Variants in GRM4 observed in about 807,000 individuals in gnomAD.
The protein encoded by GRM4 is glutamate metabotropic receptor 4, also known as metabotropic glutamate receptor 4.
In GRM4, 28 loss-of-function variants were observed where a neutral mutation model predicts 81.7. That is an observed-to-expected ratio of 0.34 (90% CI 0.25 to 0.47). GRM4 has a LOEUF of 0.47. GRM4 is among the 20% of genes least tolerant of loss of function. The probability of loss-of-function intolerance (pLI) is 1.00; values close to 1 mark genes in which losing one functional copy is unlikely to be tolerated. For missense variants in GRM4, 948 were observed against 1,290.0 expected (o/e 0.73, Z 4.06); for synonymous variants, 488 against 528.8 (o/e 0.92, Z 1.06).
At chr6:34,132,694 G>A (rs928694181) in intron 2 of GRM4, among the ~76,000 whole-genome samples, 2 of 152,048 alleles carry the variant, frequency 1.3e-5, no homozygotes, top group African/African-American at 4.8e-5. Flanking sequence ...GTTGCTCACC[G>A]AGCCTCCAGC....
chr6:34,073,623 C>T (rs1447134470), intron 3 of GRM4, among the ~76,000 whole-genome samples: 1 of 152,108 alleles, frequency 6.6e-6, no homozygotes, highest in Non-Finnish European at 1.5e-5. Context: ...CACAAGCAGG[C>T]GGTGCCCACC....
At chr6:34,072,321 CCA>C (rs1270185242) in intron 3 of GRM4, among the ~76,000 whole-genome samples, 3 of 146,106 alleles carry the variant, frequency 2.1e-5, no homozygotes, top group Non-Finnish European at 3.0e-5. Context: ...CAGATACACA[CCA>C]CACACACATC....
At chr6:34,044,707 G>GACAC (rs1393655699) in intron 6 of GRM4, among the ~76,000 whole-genome samples, 2 of 88,956 alleles carry the variant, frequency 2.2e-5, no homozygotes, top group Non-Finnish European at 4.4e-5. Context: ...CATATATACA[G>GACAC]ACACACACAC....
At position 34,059,360 on chromosome 6, in the gene GRM4, G is replaced by GC. The variant is rs1766069067; in HGVS notation, c.873-233dup. On this transcript the variant is annotated intron_variant, in intron 4 of 10. Coordinates refer to ENST00000538487, the MANE Select transcript of GRM4 (RefSeq NM_000841.4). This position sits in a 1 kb window ranked among gnomAD's most constrained non-coding sequence, Gnocchi z 5.7. ...CCAACCTGCCTGCCCCTGGGCCCAC[G>GC]CCTGCTGCAGGCCCAGCGTGATTCT... is the stretch of plus-strand genomic sequence containing the variant. The GC allele has an allele frequency of 1.8e-6, 1 of 564,256 alleles. No homozygotes were observed. Among genetic ancestry groups the GC allele is most frequent in the African/African-American group, 1.9e-5 (1 of 52,974 alleles). The allele number at this position is 564,256 out of a possible 1,614,324, so 35.0% of individuals were successfully genotyped here.
At chr6:34,110,950 C>CAGCGTTCCCCTG in intron 2 of GRM4, 2 of 863,954 alleles carry the variant, frequency 2.3e-6, no homozygotes, top group Non-Finnish European at 3.0e-6. Flanking sequence ...TCCAGGGGAA[C>CAGCGTTCCCCTG]GCTGTGCCCC....
At position 34,069,588 on chromosome 6, in the gene GRM4, A is replaced by G. The variant is rs2127467795; in HGVS notation, c.737-7560T>C. Reference sequence around the variant, plus strand: ...GCTCCTGCGTGTGACCCCGCTCCCCAGCTCATCAGTCTCCAGCCCCTCAAC... The same window carrying G: ...GCTCCTGCGTGTGACCCCGCTCCCCGGCTCATCAGTCTCCAGCCCCTCAAC... On this transcript the variant is annotated intron_variant, in intron 3 of 10. Transcript: ENST00000538487. The surrounding 1 kb of genome is among the most constrained non-coding windows in gnomAD (Gnocchi z 6.4). 6.7e-6 allele frequency among the ~76,000 whole-genome samples: 1 copy of G among 150,034 alleles called. No homozygotes were observed. Among genetic ancestry groups the G allele is most frequent in the East Asian group, 2.0e-4 (1 of 5,024 alleles).
At chr6:34,084,487 G>C (rs542008519) in intron 3 of GRM4, among the ~76,000 whole-genome samples, 18 of 152,278 alleles carry the variant, frequency 1.2e-4, no homozygotes, top group Non-Finnish European at 1.3e-4. Flanking sequence ...GTTTGGGACA[G>C]GGCAGGTGAG....
intron 3 of GRM4, among the ~76,000 whole-genome samples, chr6:34,081,139 G>A (rs972345638): frequency 1.3e-5 from 2 of 152,202 alleles, no homozygotes; most frequent in Admixed American, 1.3e-4. Flanking sequence ...TCGAGCTCCA[G>A]AGCAAGGGCC....
chr6:34,144,601 C>T (rs755882628), intron 1 of GRM4, among the ~76,000 whole-genome samples: 44 of 152,120 alleles, frequency 2.9e-4, no homozygotes, highest in Admixed American at 6.5e-4. Flanking sequence ...GGGGCGGGCA[C>T]GGGAGCTGGA....
At chr6:34,088,397 C>T (rs910287091) in intron 3 of GRM4, among the ~76,000 whole-genome samples, 3 of 152,206 alleles carry the variant, frequency 2.0e-5, no homozygotes, top group Non-Finnish European at 2.9e-5. Flanking sequence ...GCTGGGATTA[C>T]AGGTGTGAGC....
rs545870835 is a variant in GRM4 at position 34,069,570 on chromosome 6, C to T, written c.737-7542G>A. Among the ~76,000 whole-genome samples, 16 of 150,750 alleles carry T rather than the reference C, an allele frequency of 1.1e-4. 1 individual carries two copies. In the East Asian group the frequency reaches 2.4e-3, roughly 22 times the overall value. On this transcript the variant is annotated intron_variant, in intron 3 of 10. Coordinates refer to ENST00000538487, the MANE Select transcript of GRM4 (RefSeq NM_000841.4). This position sits in a 1 kb window ranked among gnomAD's most constrained non-coding sequence, Gnocchi z 6.4. ...GTCACCCCTGCCCCATCTGCTCCTGCGTGTGACCCCGCTCCCCAGCTCATC... is the reference window on the plus strand; with the variant it reads ...GTCACCCCTGCCCCATCTGCTCCTGTGTGTGACCCCGCTCCCCAGCTCATC...
chr6:34,072,057 C>T (rs1766923310), intron 3 of GRM4, among the ~76,000 whole-genome samples: 2 of 147,542 alleles, frequency 1.4e-5, no homozygotes, highest in South Asian at 4.3e-4. Flanking sequence ...ACACACACAC[C>T]CATACATCAC....
rs1302431360 is a variant in GRM4, at chr6:34,042,276, T to C, written c.1169-1528A>G. Among the ~76,000 whole-genome samples, 1 of 152,130 alleles carries C rather than the reference T, an allele frequency of 6.6e-6. No individual in the cohort carries two copies. The highest frequency in any genetic ancestry group is 1.5e-5 in the Non-Finnish European group (1 of 68,022). On this transcript the variant is annotated intron_variant, in intron 6 of 10. Coordinates refer to ENST00000538487, the MANE Select transcript of GRM4 (RefSeq NM_000841.4). This position sits in a 1 kb window ranked among gnomAD's most constrained non-coding sequence, Gnocchi z 4.2. Reference sequence around the variant, plus strand: ...GTGAGACTCCATCTCAAAAAGAAACTGAAGCCCTGAGCACAGAAAAGCTCA... The same window carrying C: ...GTGAGACTCCATCTCAAAAAGAAACCGAAGCCCTGAGCACAGAAAAGCTCA...
chr6:34,052,990 G>A (rs1395960226), intron 6 of GRM4, among the ~76,000 whole-genome samples: 1 of 152,186 alleles, frequency 6.6e-6, no homozygotes, highest in Non-Finnish European at 1.5e-5. Context: ...AACAGACTTG[G>A]ACTATTAGAT....
chr6:34,056,434 A>C, intron 6 of GRM4, 110 bp downstream of exon 6: 55 of 903,912 alleles, frequency 6.1e-5, no homozygotes, highest in East Asian at 1.4e-4. Flanking sequence ...ACGTCCTGCC[A>C]CGGCCGGCCG....
intron 1 of GRM4, among the ~76,000 whole-genome samples, chr6:34,135,964 C>G (rs1770438935): frequency 6.6e-6 from 1 of 152,184 alleles, no homozygotes; most frequent in Non-Finnish European, 1.5e-5. Context: ...GGAGGAGAGT[C>G]GGCTACTAGC....
In GRM4 at chr6:34,133,367, G is replaced by A. The variant is rs1430746534; in HGVS notation, c.130C>T (p.Arg44Cys). The A allele has an allele frequency of 9.9e-6, 16 of 1,613,902 alleles. No individual in the cohort carries two copies. Among genetic ancestry groups the A allele is most frequent in the Middle Eastern group, 1.6e-4 (1 of 6,082 alleles). Residue 44 changes from arginine (R) to cysteine (C), a missense_variant, in exon 2 of 11, where the codon CGC becomes TGC. By Grantham distance (180) the Arg-to-Cys change is radical. Transcript: ENST00000538487. This position sits in a 1 kb window ranked among gnomAD's most constrained non-coding sequence, Gnocchi z 6.5. ...CCCAGTGTGATGTCCCCATCTATGC[G>A]GATGGAATTCATGTGAGGGTGGCCT... Reference protein sequence around the residue: ...PKGHPHMNSIRIDGDITLGGL... With the variant: ...PKGHPHMNSICIDGDITLGGL...
chr6:34,052,181 G>A (rs1765645944), intron 6 of GRM4, among the ~76,000 whole-genome samples: 1 of 152,164 alleles, frequency 6.6e-6, no homozygotes, highest in Non-Finnish European at 1.5e-5. Context: ...AATGCCTGAT[G>A]GGGCACACAC....
At chr6:34,123,926 G>A (rs544971147) in intron 2 of GRM4, among the ~76,000 whole-genome samples, 42 of 152,258 alleles carry the variant, frequency 2.8e-4, no homozygotes, top group African/African-American at 9.1e-4. Context: ...GGGGAGTAAC[G>A]GGGTGGGGTC....
Sources: allele counts gnomAD v4.1 joint callset (sites outside exome capture counted in the v4.1 genomes callset), GRCh38; gene constraint gnomAD v4.1.1; non-coding constraint Gnocchi (gnomAD v3.1); transcripts MANE v1.5; gene names NCBI Gene and HGNC (gene_info 2026-07-23, HGNC 2026-07-21).